The following MAGT1 variants were observed in gnomAD, a reference collection of about 807,000 sequenced individuals.
The protein encoded by MAGT1 is dolichyl-diphosphooligosaccharide--protein glycosyltransferase subunit MAGT1.
In MAGT1, 4 loss-of-function variants were observed where a neutral mutation model predicts 28.4. The observed-to-expected ratio is 0.14, with a 90% CI of 0.07 to 0.32. The LOEUF (loss-of-function observed/expected upper bound fraction) is 0.32, where lower values mean the gene tolerates loss of function less well. MAGT1 is among the 10% of genes least tolerant of loss of function. The pLI is 1.00. For missense variants in MAGT1, 193 were observed against 264.5 expected (o/e 0.73, Z 1.88); for synonymous variants, 89 against 89.7 (o/e 0.99, Z 0.04).
At chrX:77,869,903 C>T (rs1429816875) in intron 3 of MAGT1, among the ~76,000 whole-genome samples, 6 of 111,555 alleles carry the variant, frequency 5.4e-5, no homozygotes, top group African/African-American at 2.0e-4. Context: ...TACTGGGTAT[C>T]TACCCAAAGG....
intron 8 of MAGT1, among the ~76,000 whole-genome samples, chrX:77,832,840 A>G (rs1776804400): frequency 9.2e-6 from 1 of 108,608 alleles, no homozygotes; most frequent in Non-Finnish European, 1.9e-5. Context: ...AAAAAAAAAA[A>G]AAAAAAAAAG....
In MAGT1 at chrX:77,827,526, C is replaced by T. The variant is rs2076886010; in HGVS notation, c.*1694G>A. 1 of 107,083 alleles carries T rather than the reference C, an allele frequency of 9.3e-6. No homozygotes were observed. The highest frequency in any genetic ancestry group is 1.9e-5 in the Non-Finnish European group (1 of 51,939). The allele number at this position is 107,083 out of a possible 1,213,427, so 8.8% of individuals were successfully genotyped here. A position where few individuals can be genotyped will look rare whatever the true frequency, so the allele number is the denominator to read the frequency against. ...GTGTGATCTTGGCTCACTGAAACCTCCATCTCCTGAGTTCAAGTGATTCTC... is the reference window on the plus strand; with the variant it reads ...GTGTGATCTTGGCTCACTGAAACCTTCATCTCCTGAGTTCAAGTGATTCTC... On this transcript the variant is annotated 3_prime_UTR_variant, in exon 10 of 10. Transcript: ENST00000618282.
At position 77,866,168 on chromosome X, in the gene MAGT1, G is replaced by A. The variant is rs1329221565; in HGVS notation, c.390+4640C>T. Among the ~76,000 whole-genome samples the A allele has an allele frequency of 7.1e-4, 46 of 64,387 alleles. 2 individuals are homozygous for A. The highest frequency in any genetic ancestry group is 1.6e-3 in the African/African-American group (45 of 27,969). The allele number at this position is 64,387 out of a possible 115,157, so 55.9% of individuals were successfully genotyped here. ...CACCTCAATTAAAAAAAAAAAAAGA[G>A]TGCATCAAAGAATATGATTATGGGA... On this transcript the variant is annotated intron_variant, in intron 3 of 9. Transcript: ENST00000618282.
intron 1 of MAGT1, among the ~76,000 whole-genome samples, chrX:77,883,075 AATT>A (rs1231281829): frequency 5.9e-5 from 6 of 101,728 alleles, no homozygotes; most frequent in African/African-American, 2.1e-4. Context: ...AATATAATAT[AATT>A]ATAATATGTA....
chrX:77,876,504 G>T (rs1402250378), intron 1 of MAGT1, among the ~76,000 whole-genome samples: 2 of 110,187 alleles, frequency 1.8e-5, no homozygotes, highest in Non-Finnish European at 3.8e-5. Flanking sequence ...TTACTATGTA[G>T]CCACAATAAT....
chrX:77,832,556 C>T (rs782148896), intron 8 of MAGT1, among the ~76,000 whole-genome samples: 10 of 111,001 alleles, frequency 9.0e-5, no homozygotes, highest in African/African-American at 2.9e-4. Context: ...TTCGGCCGGG[C>T]GCTGTGGCTC....
intron 7 of MAGT1, among the ~76,000 whole-genome samples, chrX:77,853,576 T>C (rs1557215715): frequency 8.9e-6 from 1 of 112,110 alleles, no homozygotes; most frequent in Non-Finnish European, 1.9e-5. Flanking sequence ...ATCAAAACAA[T>C]GCTTTGTTTA....
chrX:77,854,084 A>T, intron 6 of MAGT1, 120 bp from the exon 7 acceptor site: 1 of 562,288 alleles, frequency 1.8e-6, no homozygotes, highest in Non-Finnish European at 3.1e-6. Flanking sequence ...ACCATGTGAC[A>T]TACTCCGGGT....
chrX:77,871,735 G>A (rs1480882141), intron 2 of MAGT1, among the ~76,000 whole-genome samples: 2 of 110,046 alleles, frequency 1.8e-5, no homozygotes, highest in African/African-American at 3.3e-5. Flanking sequence ...TCAGCTACTC[G>A]GGAGGCTGAG....
chrX:77,859,972 C>T (rs1011511892), intron 3 of MAGT1, among the ~76,000 whole-genome samples: 5 of 112,139 alleles, frequency 4.5e-5, no homozygotes, highest in Non-Finnish European at 9.4e-5. Context: ...TACATCCTTG[C>T]CAAAAGTTGA....
At chrX:77,834,100 T>C (rs1164064812) in intron 8 of MAGT1, among the ~76,000 whole-genome samples, 1 of 106,601 alleles carries the variant, frequency 9.4e-6, no homozygotes, top group Non-Finnish European at 1.9e-5. Context: ...ACTAGACCCC[T>C]ATCTCTTGCC....
chrX:77,865,931 A>G (rs62614903), intron 3 of MAGT1, among the ~76,000 whole-genome samples: 17,610 of 64,726 alleles, frequency 0.27, 4,924 homozygotes, highest in Non-Finnish European at 0.49. Context: ...CAAGGCGGGC[A>G]GATCACCCGA....
chrX:77,835,399 A>G (rs935366926), intron 8 of MAGT1, among the ~76,000 whole-genome samples: 3 of 112,086 alleles, frequency 2.7e-5, no homozygotes, highest in Non-Finnish European at 5.6e-5. Context: ...CCCAGCTAAA[A>G]TGGCTTATAT....
intron 8 of MAGT1, among the ~76,000 whole-genome samples, chrX:77,832,759 C>G (rs1437455339): frequency 1.1e-5 from 1 of 94,507 alleles, no homozygotes; most frequent in Non-Finnish European, 2.0e-5. Context: ...CTTGGCAAAG[C>G]TTGCAGTGAA....
rs1402523377 is a variant in MAGT1 at position 77,840,209 on chromosome X, G to A, written c.901+1037C>T. ...GAGGTCAGGAGTTCAAGACCAGCCT[G>A]GCCAACATGGTGAAACCCCGTCTCT... is the stretch of plus-strand genomic sequence containing the variant. On this transcript the variant is annotated intron_variant, in intron 8 of 9. Transcript: ENST00000618282. 1.1e-4 allele frequency among the ~76,000 whole-genome samples: 11 copies of A among 101,265 alleles called. No individual in the cohort carries two copies. The East Asian group carries it at 3.2e-3, about 30-fold the overall frequency. The allele number at this position is 101,265 out of a possible 115,157, so 87.9% of individuals were successfully genotyped here.
intron 7 of MAGT1, among the ~76,000 whole-genome samples, chrX:77,851,590 T>G (rs2076968609): frequency 9.0e-6 from 1 of 111,074 alleles, no homozygotes; most frequent in South Asian, 3.8e-4. Context: ...GCCGGGCTGG[T>G]CTCGAACTCC....
intron 1 of MAGT1, among the ~76,000 whole-genome samples, chrX:77,877,730 T>A (rs2077039424): frequency 9.3e-6 from 1 of 107,627 alleles, no homozygotes; most frequent in South Asian, 3.9e-4. Context: ...GGAGAATCGC[T>A]TGAACCTGGG....
intron 9 of MAGT1, among the ~76,000 whole-genome samples, chrX:77,830,148 C>A (rs1326612113): frequency 8.9e-6 from 1 of 111,803 alleles, no homozygotes; most frequent in African/African-American, 3.2e-5. Flanking sequence ...ATAGCAAGAC[C>A]CTGTCTTTAC....
chrX:77,859,044 C>T (rs911103144), intron 3 of MAGT1, among the ~76,000 whole-genome samples: 4 of 110,055 alleles, frequency 3.6e-5, no homozygotes, highest in Non-Finnish European at 7.6e-5. Context: ...CCTGTCTCTA[C>T]TAAAAATACA....
Sources: gnomAD v4.1 joint callset for allele counts (sites outside exome capture counted in the v4.1 genomes callset) on GRCh38, gnomAD v4.1.1 for gene constraint, MANE v1.5 for transcripts, NCBI Gene and HGNC (gene_info 2026-07-23, HGNC 2026-07-21) for gene names.